Variants in RAD51B observed in about 807,000 individuals in gnomAD.
RAD51B encodes the protein DNA repair protein RAD51 homolog 2.
A neutral mutation model predicts 42.2 loss-of-function variants in RAD51B; 38 were observed. That is an observed-to-expected ratio of 0.90 (90% CI 0.70 to 1.18). RAD51B has a LOEUF of 1.18. RAD51B is among the 50% of genes most tolerant of loss of function. The pLI, the probability that RAD51B is intolerant of heterozygous loss-of-function variation, is 0.00. For missense variants in RAD51B, 373 were observed against 400.7 expected, an observed-to-expected ratio of 0.93 and a Z score of 0.59; for synonymous variants, 154 against 145.2, an observed-to-expected ratio of 1.06 and a Z score of -0.43.
chr14:68,193,182 C>T (rs906903151), intron 7 of RAD51B, among the ~76,000 whole-genome samples: 1 of 152,102 alleles, frequency 6.6e-6, no homozygotes, highest in Non-Finnish European at 1.5e-5. Context: ...AGTGTTGTTA[C>T]CCCAGACTAG....
At chr14:68,216,043 A>G (rs2079807812) in intron 7 of RAD51B, among the ~76,000 whole-genome samples, 1 of 152,148 alleles carries the variant, frequency 6.6e-6, no homozygotes, top group Non-Finnish European at 1.5e-5. Context: ...TTTGGCATTT[A>G]TAAGGGCAAT....
At chr14:68,034,864 G>A (rs767919939) in intron 7 of RAD51B, among the ~76,000 whole-genome samples, 27 of 152,130 alleles carry the variant, frequency 1.8e-4, no homozygotes, top group Admixed American at 1.3e-4. Context: ...TATCTGAAGG[G>A]ATTGGGATGT....
chr14:67,927,703 ATG>A lies in RAD51B; in HGVS notation c.756+40525_756+40526del, dbSNP rs35189653. On this transcript the variant is annotated intron_variant, in intron 7 of 10. Coordinates refer to ENST00000471583, the MANE Select transcript of RAD51B (RefSeq NM_133510.4). ...TTATGGCTGAATAGTATTTCATTGT[ATG>A]TGTGTGTGTGTGTGTGTGTGTGTGT... Among the ~76,000 whole-genome samples the A allele has an allele frequency of 9.5e-3, 1,295 of 136,672 alleles. 8 individuals carry two copies. The highest frequency in any genetic ancestry group is 0.022 in the African/African-American group (814 of 36,446). 89.7% of individuals were successfully genotyped at this position (136,672 alleles called of 152,430 possible). A position where few individuals can be genotyped will look rare whatever the true frequency, so the allele number is the denominator to read the frequency against.
intron 4 of RAD51B, among the ~76,000 whole-genome samples, chr14:67,843,236 T>G (rs1488202538): frequency 1.6e-5 from 2 of 126,254 alleles, no homozygotes; most frequent in African/African-American, 7.2e-5. Flanking sequence ...TGTGCCATGT[T>G]GGTGTGCTGC....
Position 68,528,099 on chromosome 14 carries a change from G to T in RAD51B, c.1036+59849G>T, listed in dbSNP as rs116623719. 3.2e-3 allele frequency among the ~76,000 whole-genome samples: 486 copies of T among 152,276 alleles called. 1 individual carries two copies. The highest frequency in any genetic ancestry group is 0.014 in the Middle Eastern group (4 of 294). ...TCGTCCAACCTGTTGCTAAAGCCAT[G>T]AGAAAAGGCTGGCACCAACCAGTAA... On this transcript the variant is annotated intron_variant, in intron 10 of 10. Coordinates refer to the RAD51B transcript ENST00000487270.
intron 10 of RAD51B, among the ~76,000 whole-genome samples, chr14:68,560,397 G>C (rs1258675845): frequency 6.6e-6 from 1 of 152,158 alleles, no homozygotes; most frequent in African/African-American, 2.4e-5. Context: ...TTTTATTAAT[G>C]AGTCTGGGGA....
chr14:68,482,524 G>T (rs1196054498), downstream of RAD51B, among the ~76,000 whole-genome samples: 1 of 152,160 alleles, frequency 6.6e-6, no homozygotes, highest in Non-Finnish European at 1.5e-5. Flanking sequence ...GCAAGGAGAA[G>T]TGCAAAATAT....
At chr14:68,397,189 G>A (rs1404109001) in intron 8 of RAD51B, among the ~76,000 whole-genome samples, 1 of 152,232 alleles carries the variant, frequency 6.6e-6, no homozygotes. Context: ...CCCAAAGTTG[G>A]TAGTCTTGAT....
intron 7 of RAD51B, among the ~76,000 whole-genome samples, chr14:68,024,350 A>G (rs1595275142): frequency 6.6e-6 from 1 of 152,188 alleles, no homozygotes; most frequent in African/African-American, 2.4e-5. Context: ...ATTTTAGAAT[A>G]GTTTTTTCCT....
At chr14:68,107,188 A>C (rs547638892) in intron 7 of RAD51B, among the ~76,000 whole-genome samples, 2 of 151,952 alleles carry the variant, frequency 1.3e-5, no homozygotes, top group South Asian at 4.1e-4. Context: ...ATAAACAATT[A>C]TTCCTTTTTT....
chr14:67,933,416 G>A (rs2044814171), intron 7 of RAD51B, among the ~76,000 whole-genome samples: 1 of 152,198 alleles, frequency 6.6e-6, no homozygotes, highest in African/African-American at 2.4e-5. Context: ...GTGCTCTGCA[G>A]TAGCAGCTTA....
chr14:68,505,488 A>C (rs1234469793), intron 10 of RAD51B, among the ~76,000 whole-genome samples: 1 of 151,038 alleles, frequency 6.6e-6, no homozygotes, highest in African/African-American at 2.4e-5. Context: ...AGTGTCTTAG[A>C]TGCATTAAGT....
intron 7 of RAD51B, among the ~76,000 whole-genome samples, chr14:68,014,791 C>T (rs1034787669): frequency 6.1e-5 from 9 of 147,136 alleles, no homozygotes; most frequent in African/African-American, 1.8e-4. Flanking sequence ...GATTGGAATA[C>T]GTAATTTAGG....
chr14:68,546,133 C>T (rs1888220878), intron 10 of RAD51B, among the ~76,000 whole-genome samples: 1 of 152,200 alleles, frequency 6.6e-6, no homozygotes, highest in Non-Finnish European at 1.5e-5. Flanking sequence ...ATTTTACTTA[C>T]TGAATAATCA....
intron 7 of RAD51B, among the ~76,000 whole-genome samples, chr14:68,219,621 G>A (rs185800749): frequency 6.6e-6 from 1 of 152,224 alleles, no homozygotes; most frequent in African/African-American, 2.4e-5. Context: ...CTCTCAGGAA[G>A]CCGCATTCCT....
intron 11 of RAD51B, chr14:68,650,909 C>T (rs1306356747): frequency 2.9e-6 from 2 of 697,486 alleles, no homozygotes; most frequent in Non-Finnish European, 5.2e-6. Context: ...ACCACTACCA[C>T]AGGAAGAGAT....
chr14:68,096,637 C>T (rs115600709), intron 7 of RAD51B, among the ~76,000 whole-genome samples: 231 of 152,314 alleles, frequency 1.5e-3, no homozygotes, highest in African/African-American at 5.1e-3. Context: ...AGAGGACTTA[C>T]AGATGAAATT....
intron 11 of RAD51B, among the ~76,000 whole-genome samples, chr14:68,653,218 C>T (rs1225861203): frequency 6.6e-6 from 1 of 152,130 alleles, no homozygotes; most frequent in East Asian, 1.9e-4. Context: ...CTGGGTGCCT[C>T]GGTGCATGCC....
At chr14:68,653,881 A>G (rs1236689800) in intron 11 of RAD51B, among the ~76,000 whole-genome samples, 3 of 152,264 alleles carry the variant, frequency 2.0e-5, no homozygotes, top group Non-Finnish European at 4.4e-5. Flanking sequence ...GCACAGGGGT[A>G]CCACAGAACA....
Sources: allele counts gnomAD v4.1 joint callset (sites outside exome capture counted in the v4.1 genomes callset), GRCh38; gene constraint gnomAD v4.1.1; transcripts MANE v1.5; gene names NCBI Gene and HGNC (gene_info 2026-07-23, HGNC 2026-07-21).